Variants in SOX6 observed in about 807,000 individuals in gnomAD.
The protein encoded by SOX6 is transcription factor SOX-6.
In SOX6, 11 loss-of-function variants were observed where a neutral mutation model predicts 97.8. That is an observed-to-expected ratio of 0.11 (90% confidence interval 0.07 to 0.19). SOX6 has a LOEUF of 0.19. Ranked by LOEUF, SOX6 falls within the 10% of genes least tolerant of loss-of-function variation. The pLI is 1.00. For synonymous variants in SOX6, 360 were observed against 371.4 expected (o/e 0.97, Z 0.35); for missense variants, 810 against 1,039.5 (o/e 0.78, Z 3.04).
chr11:16,514,910 T>A (rs1207010141), intron 4 of SOX6, among the ~76,000 whole-genome samples: 1 of 151,764 alleles, frequency 6.6e-6, no homozygotes, highest in African/African-American at 2.4e-5. Flanking sequence ...TATTCCATGG[T>A]GTATATGCGC....
intron 4 of SOX6, among the ~76,000 whole-genome samples, chr11:16,569,744 C>T (rs1410697122): frequency 1.3e-5 from 2 of 151,712 alleles, no homozygotes; most frequent in Admixed American, 6.6e-5. Context: ...TGGCGGGCAC[C>T]TGTAGTCCCA....
At chr11:16,402,319 A>G (rs922847563) in intron 1 of SOX6, among the ~76,000 whole-genome samples, 1 of 151,662 alleles carries the variant, frequency 6.6e-6, no homozygotes, top group Non-Finnish European at 1.5e-5. Flanking sequence ...AAAATCCCGT[A>G]GAGTGGTGAA....
At chr11:16,648,846 CA>C (rs1434817807) in intron 3 of SOX6, among the ~76,000 whole-genome samples, 1 of 151,818 alleles carries the variant, frequency 6.6e-6, no homozygotes, top group African/African-American at 2.4e-5. Flanking sequence ...AAGGTGAAAA[CA>C]AACTTAAAAA....
intron 12 of SOX6, among the ~76,000 whole-genome samples, chr11:16,036,539 G>C (rs1367901707): frequency 2.0e-5 from 3 of 152,200 alleles, no homozygotes; most frequent in Non-Finnish European, 4.4e-5. Context: ...CACTGGACTA[G>C]AGATAATGTG....
intron 3 of SOX6, among the ~76,000 whole-genome samples, chr11:16,679,245 T>G (rs1463381035): frequency 6.6e-6 from 1 of 152,108 alleles, no homozygotes; most frequent in Non-Finnish European, 1.5e-5. Flanking sequence ...GGTGCCCCTC[T>G]GGGATGAAGC....
At chr11:16,209,394 G>A (rs1205252158) in intron 4 of SOX6, among the ~76,000 whole-genome samples, 1 of 152,076 alleles carries the variant, frequency 6.6e-6, no homozygotes, top group Non-Finnish European at 1.5e-5. Context: ...TGCAAACTGA[G>A]TTAACTGGTT....
At chr11:16,533,315 T>C (rs1385565349) in intron 4 of SOX6, among the ~76,000 whole-genome samples, 2 of 151,910 alleles carry the variant, frequency 1.3e-5, no homozygotes, top group Non-Finnish European at 2.9e-5. Flanking sequence ...GGTAAGATGA[T>C]AGGTGACTGA....
chr11:16,121,927 A>T (rs959484946), intron 6 of SOX6, among the ~76,000 whole-genome samples: 1 of 152,048 alleles, frequency 6.6e-6, no homozygotes, highest in Non-Finnish European at 1.5e-5. Flanking sequence ...TGTCAATTAA[A>T]TATTATTGTT....
chr11:16,729,820 G>GACCCATCTC (rs1365403382), intron 2 of SOX6, among the ~76,000 whole-genome samples: 1 of 151,948 alleles, frequency 6.6e-6, no homozygotes, highest in Admixed American at 6.6e-5. Flanking sequence ...GTATTCAGGA[G>GACCCATCTC]ACCCATCTCA....
At chr11:16,661,765 G>T (rs77045568) in intron 3 of SOX6, among the ~76,000 whole-genome samples, 2,231 of 152,154 alleles carry the variant, frequency 0.015, 55 homozygotes, top group African/African-American at 0.051. Flanking sequence ...GCTCAGACTG[G>T]TCTTGAACTC....
intron 6 of SOX6, among the ~76,000 whole-genome samples, chr11:16,146,895 A>C (rs1210317243): frequency 6.6e-6 from 1 of 152,186 alleles, no homozygotes; most frequent in Non-Finnish European, 1.5e-5. Context: ...AAGCTTTTAC[A>C]CTGTTGGTGG....
chr11:16,679,623 G>C (rs1847911178), intron 3 of SOX6, among the ~76,000 whole-genome samples: 1 of 152,166 alleles, frequency 6.6e-6, no homozygotes, highest in Non-Finnish European at 1.5e-5. Context: ...AGTTTGACAA[G>C]TTGACAGAAG....
chr11:16,014,012 G>C (rs1051862523), intron 13 of SOX6, among the ~76,000 whole-genome samples: 2 of 152,012 alleles, frequency 1.3e-5, no homozygotes, highest in Non-Finnish European at 2.9e-5. Context: ...GACCTGAGAT[G>C]GGTGAAGTAT....
intron 4 of SOX6, among the ~76,000 whole-genome samples, chr11:16,482,087 G>GT (rs931326584): frequency 6.6e-6 from 1 of 151,732 alleles, no homozygotes; most frequent in Non-Finnish European, 1.5e-5. Context: ...TTTGGTGGAA[G>GT]TATGTGAAAA....
At chr11:16,537,069 A>G (rs2133173939) in intron 4 of SOX6, among the ~76,000 whole-genome samples, 2 of 152,300 alleles carry the variant, frequency 1.3e-5, no homozygotes, top group East Asian at 3.9e-4. Context: ...CAGACACCTC[A>G]TACAGGCAAG....
chr11:16,598,173 A>G (rs1848232341), intron 4 of SOX6, among the ~76,000 whole-genome samples: 1 of 151,974 alleles, frequency 6.6e-6, no homozygotes, highest in South Asian at 2.1e-4. Context: ...TAATCCTCAA[A>G]ACAACCCTAT....
intron 3 of SOX6, among the ~76,000 whole-genome samples, chr11:16,280,951 A>G (rs1180568182): frequency 6.6e-6 from 1 of 152,100 alleles, no homozygotes; most frequent in Non-Finnish European, 1.5e-5. Flanking sequence ...TTTAGTTGAA[A>G]ACAAAATGTA....
Position 15,981,844 on chromosome 11 carries a change from A to T in SOX6, c.2183+4360T>A, listed in dbSNP as rs368770760. Among the ~76,000 whole-genome samples, 385 of 152,212 alleles carry T rather than the reference A, an allele frequency of 2.5e-3. 2 individuals carry two copies. Among genetic ancestry groups the T allele is most frequent in the African/African-American group, 8.9e-3 (368 of 41,546 alleles). On this transcript the variant is annotated intron_variant, in intron 15 of 15. Transcript: ENST00000683767. ...AGTATTATTTTTCTAGAATAATAATATTTACTTGAATTTAAAGCTTTTCAT... is the reference window on the plus strand; with the variant it reads ...AGTATTATTTTTCTAGAATAATAATTTTTACTTGAATTTAAAGCTTTTCAT...
intron 4 of SOX6, among the ~76,000 whole-genome samples, chr11:16,512,698 G>GA: frequency 6.6e-6 from 1 of 152,198 alleles, no homozygotes; most frequent in East Asian, 1.9e-4. Flanking sequence ...AAGTCACTGT[G>GA]AAAAAATTAC....
Sources: gnomAD v4.1 joint callset for allele counts (sites outside exome capture counted in the v4.1 genomes callset) on GRCh38, gnomAD v4.1.1 for gene constraint, MANE v1.5 for transcripts, NCBI Gene and HGNC (gene_info 2026-07-23, HGNC 2026-07-21) for gene names.